ERC2: variants seen among roughly 807,000 people sequenced by gnomAD.
ERC2 encodes the protein ELKS/RAB6-interacting/CAST family member 2.
A neutral mutation model predicts 114.8 loss-of-function variants in ERC2; 42 were observed. That is an observed-to-expected ratio of 0.37 (90% CI 0.29 to 0.47). The LOEUF (loss-of-function observed/expected upper bound fraction) is 0.47. Among genes scored for constraint, ERC2 ranks in the 20% least tolerant of loss-of-function variants. The pLI is 0.99. For synonymous variants in ERC2, 454 were observed against 425.5 expected, an observed-to-expected ratio of 1.07 and a Z score of -0.82; for missense variants, 939 against 1,150.7, an observed-to-expected ratio of 0.82 and a Z score of 2.66.
At chr3:55,823,243 A>T (rs1270663066) in intron 14 of ERC2, among the ~76,000 whole-genome samples, 1 of 151,268 alleles carries the variant, frequency 6.6e-6, no homozygotes, top group Non-Finnish European at 1.5e-5. Context: ...GACCTCAGAG[A>T]GTTCACTTGC....
chr3:56,440,826 C>G (rs950641733), intron 1 of ERC2, among the ~76,000 whole-genome samples: 4 of 152,274 alleles, frequency 2.6e-5, no homozygotes, highest in East Asian at 1.9e-4. Context: ...TTAACATCAT[C>G]TCCATTTCCC....
At chr3:56,375,372 C>G (rs762301947) in intron 2 of ERC2, among the ~76,000 whole-genome samples, 17 of 152,178 alleles carry the variant, frequency 1.1e-4, no homozygotes, top group Non-Finnish European at 2.2e-4. Flanking sequence ...CAGTTTGGGT[C>G]AGGCAAACAG....
chr3:56,078,144 C>T (rs9865958), intron 7 of ERC2, among the ~76,000 whole-genome samples: 1 of 151,954 alleles, frequency 6.6e-6, no homozygotes, highest in Non-Finnish European at 1.5e-5. Flanking sequence ...AGTAATCTCT[C>T]CTGAGCTCTC....
intron 14 of ERC2, among the ~76,000 whole-genome samples, chr3:55,778,176 G>A (rs1239607263): frequency 1.3e-5 from 2 of 152,192 alleles, no homozygotes; most frequent in Non-Finnish European, 2.9e-5. Context: ...GAATACACGT[G>A]TGTATGTATA....
At chr3:56,031,252 C>T (rs2074364953) in intron 7 of ERC2, among the ~76,000 whole-genome samples, 1 of 152,210 alleles carries the variant, frequency 6.6e-6, no homozygotes, top group African/African-American at 2.4e-5. Context: ...TGGACCCCAA[C>T]CCAAGCTGAT....
At chr3:55,827,396 G>A (rs553438215) in intron 14 of ERC2, among the ~76,000 whole-genome samples, 1 of 151,584 alleles carries the variant, frequency 6.6e-6, no homozygotes, top group Admixed American at 6.6e-5. Flanking sequence ...AAAAGATAAA[G>A]AGAGAAAAAG....
chr3:55,849,422 C>T (rs2061487320), intron 14 of ERC2, among the ~76,000 whole-genome samples: 1 of 152,304 alleles, frequency 6.6e-6, no homozygotes, highest in Non-Finnish European at 1.5e-5. Context: ...TTTCTCTAAG[C>T]TTCTATCACC....
chr3:55,978,888 A>G (rs1009096571), intron 12 of ERC2, among the ~76,000 whole-genome samples: 1 of 152,218 alleles, frequency 6.6e-6, no homozygotes, highest in East Asian at 1.9e-4. Context: ...AGACAACACA[A>G]GTGAAATCCT....
intron 3 of ERC2, among the ~76,000 whole-genome samples, chr3:56,244,243 C>A (rs2051521948): frequency 6.6e-6 from 1 of 152,116 alleles, no homozygotes; most frequent in Admixed American, 6.5e-5. Context: ...CTGGTGCAAA[C>A]AAACCTACTG....
intron 12 of ERC2, among the ~76,000 whole-genome samples, chr3:55,984,766 G>A (rs146534963): frequency 7.2e-4 from 110 of 152,254 alleles, no homozygotes; most frequent in African/African-American, 2.5e-3. Flanking sequence ...TTCCTGCACC[G>A]CGATGAAGTT....
intron 2 of ERC2, among the ~76,000 whole-genome samples, chr3:56,343,188 T>TCACACACACACACACACACACACACA (rs1247948473): frequency 3.2e-5 from 1 of 31,412 alleles, no homozygotes; most frequent in Non-Finnish European, 8.9e-5. Context: ...TCTCTCTCTC[T>TCACACACACACACACACACACACACA]CTCTCACACA....
At chr3:55,672,016 C>T (rs1383733624) in intron 17 of ERC2, among the ~76,000 whole-genome samples, 1 of 152,176 alleles carries the variant, frequency 6.6e-6, no homozygotes, top group Non-Finnish European at 1.5e-5. Context: ...TTTGCTCAAA[C>T]TTATTTGAAC....
intron 6 of ERC2, among the ~76,000 whole-genome samples, chr3:56,108,837 T>C (rs2078806013): frequency 6.6e-6 from 1 of 152,070 alleles, no homozygotes; most frequent in Non-Finnish European, 1.5e-5. Flanking sequence ...TGCTGTAGGA[T>C]ACAAGATTAA....
Position 56,209,024 on chromosome 3 carries a change from T to A in ERC2, c.1075-35504A>T, listed in dbSNP as rs980817972. On this transcript the variant is annotated intron_variant, in intron 3 of 17. Coordinates refer to ENST00000288221, the MANE Select transcript of ERC2 (RefSeq NM_015576.3). ...TCTACAGTATAGACATAGTCAAATC[T>A]GATCACTCCCCTCCTCTGCTGAACC... is the stretch of plus-strand genomic sequence containing the variant. Among the ~76,000 whole-genome samples, 3 of 152,248 alleles carry A rather than the reference T, an allele frequency of 2.0e-5. No individual in the cohort carries two copies. The East Asian group carries it at 5.8e-4, about 29-fold the overall frequency.
chr3:56,144,625 A>C (rs1575580490), intron 5 of ERC2, among the ~76,000 whole-genome samples: 1 of 152,330 alleles, frequency 6.6e-6, no homozygotes, highest in Non-Finnish European at 1.5e-5. Context: ...GGATATAGAC[A>C]ATAGGGTTTA....
chr3:55,741,505 A>T (rs17055895), intron 14 of ERC2, among the ~76,000 whole-genome samples: 32,563 of 152,018 alleles, frequency 0.21, 4,007 homozygotes, highest in Admixed American at 0.31. Flanking sequence ...CCAGATTTAT[A>T]TTGCTTCAGA....
chr3:55,894,421 T>C (rs749761148), intron 13 of ERC2, among the ~76,000 whole-genome samples: 2 of 152,190 alleles, frequency 1.3e-5, no homozygotes, highest in Non-Finnish European at 2.9e-5. Flanking sequence ...GGGGACAATA[T>C]AATAATAGAA....
At chr3:56,098,187 T>C (rs1231204309) in intron 6 of ERC2, among the ~76,000 whole-genome samples, 1 of 152,212 alleles carries the variant, frequency 6.6e-6, no homozygotes, top group Non-Finnish European at 1.5e-5. Flanking sequence ...CTCTACAGCA[T>C]TTCAAATGCA....
At chr3:56,064,288 C>G (rs2076372087) in intron 7 of ERC2, among the ~76,000 whole-genome samples, 1 of 152,206 alleles carries the variant, frequency 6.6e-6, no homozygotes, top group Admixed American at 6.5e-5. Context: ...GCCTCTATTC[C>G]TACCTTCCCA....
Sources: allele counts gnomAD v4.1 joint callset (sites outside exome capture counted in the v4.1 genomes callset), GRCh38; gene constraint gnomAD v4.1.1; transcripts MANE v1.5; gene names NCBI Gene and HGNC (gene_info 2026-07-23, HGNC 2026-07-21).